MCCC1: variants seen among roughly 807,000 people sequenced by gnomAD.
The protein encoded by MCCC1 is methylcrotonyl-CoA carboxylase subunit 1.
In MCCC1, 64 loss-of-function variants were observed where a neutral mutation model predicts 83.8. That is an observed-to-expected ratio of 0.76 (90% CI 0.62 to 0.94). The LOEUF is 0.94. Among genes scored for constraint, MCCC1 ranks in the 40% least tolerant of loss-of-function variants. The pLI is 0.00. For missense variants in MCCC1, 807 were observed against 904.7 expected, an observed-to-expected ratio of 0.89 and a Z score of 1.39; for synonymous variants, 322 against 315.4, an observed-to-expected ratio of 1.02 and a Z score of -0.22.
At chr3:183,067,261 T>A (rs1560252893) in intron 7 of MCCC1, among the ~76,000 whole-genome samples, 1 of 152,192 alleles carries the variant, frequency 6.6e-6, no homozygotes, top group Non-Finnish European at 1.5e-5. Flanking sequence ...CAAGTTATCG[T>A]GAGACCTCAA....
At position 183,072,480 on chromosome 3, in the gene MCCC1, T is replaced by C. The variant is rs1290095136; in HGVS notation, c.377A>G (p.His126Arg). ...VAKTSAAQAI[H>R]PGCGFLSENM... ...TTCTGAGAGAAAACCGCATCCTGGA[T>C]GGATAGCCTAGAAATGAGAAATAAA... Residue 126 changes from histidine to arginine, a missense_variant, in exon 5 of 19, where the codon CAT becomes CGT. Transcript: ENST00000265594. 3 of 1,613,742 alleles carry C rather than the reference T, an allele frequency of 1.9e-6. No individual in the cohort carries two copies. Among genetic ancestry groups the C allele is most frequent in the Non-Finnish European group, 2.5e-6 (3 of 1,179,844 alleles).
chr3:183,114,043 T>C (rs1400275966), intron 1 of MCCC1, among the ~76,000 whole-genome samples: 2 of 152,174 alleles, frequency 1.3e-5, no homozygotes, highest in Admixed American at 1.3e-4. Flanking sequence ...ACTGGCAGCC[T>C]CTTCCTCAAG....
intron 7 of MCCC1, among the ~76,000 whole-genome samples, chr3:183,065,570 TG>T (rs1716195822): frequency 6.6e-6 from 1 of 152,244 alleles, no homozygotes; most frequent in Non-Finnish European, 1.5e-5. Flanking sequence ...TTTTTTGTTT[TG>T]TTTTGTTTTG....
chr3:183,051,250 T>C (rs13072934), intron 9 of MCCC1, among the ~76,000 whole-genome samples: 94,813 of 152,102 alleles, frequency 0.62, 33,308 homozygotes, highest in Non-Finnish European at 0.79. Flanking sequence ...TTATTCATAA[T>C]TGCCAAAACT....
chr3:183,057,693 C>T (rs1715525898), intron 7 of MCCC1, among the ~76,000 whole-genome samples: 1 of 152,126 alleles, frequency 6.6e-6, no homozygotes, highest in Non-Finnish European at 1.5e-5. Flanking sequence ...GCCTGGGCAA[C>T]ATGGTGAAAC....
chr3:183,100,864 G>A (rs1478484008), upstream of MCCC1, among the ~76,000 whole-genome samples: 1 of 152,246 alleles, frequency 6.6e-6, no homozygotes, highest in African/African-American at 2.4e-5. Context: ...CAAGGCCGGA[G>A]CCCACTCCCT....
chr3:183,059,484 AT>A (rs1164531154), intron 7 of MCCC1, among the ~76,000 whole-genome samples: 5 of 152,154 alleles, frequency 3.3e-5, no homozygotes, highest in African/African-American at 1.2e-4. Flanking sequence ...TAATCACCAA[AT>A]ACGTTATTGC....
Position 183,037,248 on chromosome 3 carries a change from T to A in MCCC1, c.1564A>T (p.Met522Leu). Residue 522 changes from methionine to leucine, a missense_variant, in exon 13 of 19, where the codon ATG becomes TTG. Physicochemically the swap from Met to Leu is conservative, Grantham distance 15. Coordinates refer to ENST00000265594, the MANE Select transcript of MCCC1 (RefSeq NM_020166.5). ...GCCTGAAGAGTGAAAGTGTCGGTCA[T>A]GGCTTTCTCCTTGAGGATGAGACCC... is the stretch of plus-strand genomic sequence containing the variant. Reference protein sequence around the residue: ...ALGLILKEKAMTDTFTLQAHD... With the variant: ...ALGLILKEKALTDTFTLQAHD... The A allele has an allele frequency of 6.2e-7, 1 of 1,613,960 alleles. No homozygotes were observed. Among genetic ancestry groups the A allele is most frequent in the South Asian group, 1.1e-5 (1 of 91,074 alleles).
At chr3:183,068,542 G>A (rs929023275) in intron 7 of MCCC1, among the ~76,000 whole-genome samples, 1 of 152,184 alleles carries the variant, frequency 6.6e-6, no homozygotes, top group South Asian at 2.1e-4. Flanking sequence ...GGGCTGCTCT[G>A]TCTATGGAGT....
At chr3:183,054,452 G>A (rs998648385) in intron 8 of MCCC1, among the ~76,000 whole-genome samples, 4 of 151,178 alleles carry the variant, frequency 2.6e-5, no homozygotes, top group Admixed American at 6.5e-5. Flanking sequence ...CTCCCAAAGC[G>A]CTGGGATTAC....
chr3:183,066,634 T>C (rs1336340844), intron 7 of MCCC1, among the ~76,000 whole-genome samples: 4 of 152,180 alleles, frequency 2.6e-5, no homozygotes, highest in African/African-American at 2.4e-5. Context: ...ACAACTCTAA[T>C]AGGTGTTCTT....
At chr3:183,039,160 T>C (rs375675092) in intron 11 of MCCC1, 25 bp from the exon 12 acceptor site, 94 of 1,600,858 alleles carry the variant, frequency 5.9e-5, no homozygotes, top group Non-Finnish European at 7.9e-5. Flanking sequence ...CACGGTAACC[T>C]CTTCAAGTCA....
At chr3:183,109,456 T>C (rs1719456055) in intron 1 of MCCC1, among the ~76,000 whole-genome samples, 2 of 152,186 alleles carry the variant, frequency 1.3e-5, no homozygotes, top group African/African-American at 2.4e-5. Context: ...AATGTTTGTA[T>C]AGATGTGTAT....
At chr3:183,020,394 G>C (rs949417465) in intron 16 of MCCC1, among the ~76,000 whole-genome samples, 157 bp from the exon 17 acceptor site, 3 of 152,202 alleles carry the variant, frequency 2.0e-5, no homozygotes, top group Admixed American at 2.0e-4. Context: ...CACTTTGGGA[G>C]GCTGAGGTAG....
In MCCC1 at chr3:183,028,656, AG is replaced by A. The variant is rs1712801466; in HGVS notation, c.1682-2853del. On this transcript the variant is annotated intron_variant, in intron 14 of 18. Transcript: ENST00000265594. Reference sequence around the variant, plus strand: ...TTTTAGGGGTTCAAAACTTTAGCAGAGGAAGTAACTGCAGATGTGGTAGAAA... The same window carrying A: ...TTTTAGGGGTTCAAAACTTTAGCAGAGAAGTAACTGCAGATGTGGTAGAAA... Among the ~76,000 whole-genome samples the A allele has an allele frequency of 3.3e-5, 5 of 152,354 alleles. No individual in the cohort carries two copies. The South Asian group carries it at 1.0e-3, about 32-fold the overall frequency.
intron 8 of MCCC1, among the ~76,000 whole-genome samples, chr3:183,053,878 T>A (rs112872866): frequency 0.23 from 23,417 of 101,544 alleles, 4,756 homozygotes; most frequent in African/African-American, 0.6. Flanking sequence ...CTATAAAGAA[T>A]TTTTTTTTTT....
chr3:183,092,491 AC>A lies in MCCC1; in HGVS notation c.190del (p.Val64Ter). ...IANRGEIACR[V>X]MRTAKKLGVQ... ...ACCCAGTTTTTTGGCTGTGCGCATCACCCTGCAGGCAATTTCTCCTCTGTTT... is the reference window on the plus strand; with the variant it reads ...ACCCAGTTTTTTGGCTGTGCGCATCACCTGCAGGCAATTTCTCCTCTGTTT... On this transcript the variant is annotated frameshift_variant, in exon 3 of 19. Coordinates refer to ENST00000265594, the MANE Select transcript of MCCC1 (RefSeq NM_020166.5). LOFTEE classifies it high-confidence loss of function. 6.2e-7 allele frequency: 1 copy of A among 1,614,124 alleles called. No homozygotes were observed. The highest frequency in any genetic ancestry group is 1.1e-5 in the South Asian group (1 of 91,080).
chr3:183,097,496 C>T (rs767570243), intron 1 of MCCC1, among the ~76,000 whole-genome samples: 7 of 152,168 alleles, frequency 4.6e-5, no homozygotes. Flanking sequence ...GGACTCAGGC[C>T]GTCCTCGCCC....
upstream of MCCC1, among the ~76,000 whole-genome samples, chr3:183,101,739 G>A (rs1560294181): frequency 4.6e-5 from 7 of 152,264 alleles, no homozygotes; most frequent in African/African-American, 1.2e-4. Context: ...TTGTTCTTTC[G>A]CTCTTTGCAA....
Sources: gnomAD v4.1 joint callset for allele counts (sites outside exome capture counted in the v4.1 genomes callset) on GRCh38, gnomAD v4.1.1 for gene constraint, MANE v1.5 for transcripts, NCBI Gene and HGNC (gene_info 2026-07-23, HGNC 2026-07-21) for gene names.